ZBTB7C: variants seen among roughly 807,000 people sequenced by gnomAD.
The protein encoded by ZBTB7C is zinc finger and BTB domain containing 7C.
A neutral mutation model predicts 25.7 loss-of-function variants in ZBTB7C; 8 were observed. That is an observed-to-expected ratio of 0.31 (90% CI 0.18 to 0.56). ZBTB7C has a LOEUF of 0.56. Ranked by LOEUF, ZBTB7C falls within the 20% of genes least tolerant of loss-of-function variation. The probability of loss-of-function intolerance (pLI) is 0.91; values close to 1 mark genes in which losing one functional copy is unlikely to be tolerated. For missense variants in ZBTB7C, 824 were observed against 855.2 expected (o/e 0.96, Z 0.46); for synonymous variants, 394 against 369.0 (o/e 1.07, Z -0.78).
intron 3 of ZBTB7C, among the ~76,000 whole-genome samples, chr18:48,178,844 A>G (rs1459207761): frequency 6.6e-6 from 1 of 152,012 alleles, no homozygotes; most frequent in African/African-American, 2.4e-5. Flanking sequence ...ATCCAGGACA[A>G]AGCAGTGGAG....
At chr18:48,074,239 C>T (rs1007516314) in intron 3 of ZBTB7C, among the ~76,000 whole-genome samples, 1 of 152,146 alleles carries the variant, frequency 6.6e-6, no homozygotes. Context: ...GTCTTGAACT[C>T]CTGATCTCAG....
intron 2 of ZBTB7C, among the ~76,000 whole-genome samples, chr18:48,258,113 A>G (rs2044071415): frequency 6.6e-6 from 1 of 152,202 alleles, no homozygotes; most frequent in Non-Finnish European, 1.5e-5. Flanking sequence ...AAACAAACCT[A>G]TAACTAACAT....
At chr18:48,192,578 C>T (rs1257227973) in intron 2 of ZBTB7C, among the ~76,000 whole-genome samples, 2 of 152,236 alleles carry the variant, frequency 1.3e-5, no homozygotes, top group South Asian at 2.1e-4. Context: ...ATTCTCCTGC[C>T]TCAGCCTCCA....
intron 3 of ZBTB7C, among the ~76,000 whole-genome samples, chr18:48,065,400 CTTTG>C (rs1158044435): frequency 4.6e-5 from 7 of 152,112 alleles, no homozygotes; most frequent in East Asian, 1.9e-4. Context: ...ACCTGTTTAA[CTTTG>C]TTTAACTCTG....
At chr18:48,035,319 G>A (rs943919776) in intron 4 of ZBTB7C, among the ~76,000 whole-genome samples, 1 of 152,224 alleles carries the variant, frequency 6.6e-6, no homozygotes, top group Non-Finnish European at 1.5e-5. Flanking sequence ...TGCTGTCTCT[G>A]GGCCAGTCTG....
At chr18:48,290,315 C>T (rs1213483298) in intron 2 of ZBTB7C, among the ~76,000 whole-genome samples, 1 of 152,238 alleles carries the variant, frequency 6.6e-6, no homozygotes, top group African/African-American at 2.4e-5. Context: ...GTCCCACCTC[C>T]TTCTCAGTCC....
rs7232244 is a variant in ZBTB7C, at chr18:48,099,559, A to G, written c.-16-58436T>C. Among the ~76,000 whole-genome samples the G allele has an allele frequency of 1.9e-3, 288 of 152,294 alleles. 1 individual carries two copies. Among genetic ancestry groups the G allele is most frequent in the African/African-American group, 6.6e-3 (275 of 41,554 alleles). ...GCATACCTTTGGAACCTCCAGGCCCACCTGCTCTACCAAAGGCGTGTGAGA... is the reference window on the plus strand; with the variant it reads ...GCATACCTTTGGAACCTCCAGGCCCGCCTGCTCTACCAAAGGCGTGTGAGA... On this transcript the variant is annotated intron_variant, in intron 3 of 4. Coordinates refer to ENST00000590800, the MANE Select transcript of ZBTB7C (RefSeq NM_001318841.2).
At chr18:48,050,681 C>T (rs1418448349) in intron 3 of ZBTB7C, among the ~76,000 whole-genome samples, 2 of 152,180 alleles carry the variant, frequency 1.3e-5, no homozygotes, top group Non-Finnish European at 2.9e-5. Context: ...CAAGCAAGGG[C>T]CCAGAAGAGG....
chr18:48,315,725 C>T (rs77443291), intron 2 of ZBTB7C, among the ~76,000 whole-genome samples: 3,527 of 152,238 alleles, frequency 0.023, 55 homozygotes, highest in Middle Eastern at 0.065. Flanking sequence ...TTGTGCTCCA[C>T]CCCCATCCCC....
intron 3 of ZBTB7C, among the ~76,000 whole-genome samples, chr18:48,136,203 G>A (rs1436861695): frequency 1.3e-5 from 2 of 152,314 alleles, no homozygotes; most frequent in South Asian, 4.1e-4. Context: ...GGTGACGCCG[G>A]CCCGGGCGCC....
chr18:48,166,573 C>T (rs1219723541), intron 3 of ZBTB7C, among the ~76,000 whole-genome samples: 3 of 152,166 alleles, frequency 2.0e-5, no homozygotes, highest in Admixed American at 6.5e-5. Context: ...AGCTCAGAGT[C>T]CCCTGGTCCC....
chr18:48,099,485 C>A (rs2038754881), intron 3 of ZBTB7C, among the ~76,000 whole-genome samples: 1 of 152,206 alleles, frequency 6.6e-6, no homozygotes, highest in Non-Finnish European at 1.5e-5. Flanking sequence ...TCCACTCTCA[C>A]CTTGGCTTTA....
intron 3 of ZBTB7C, among the ~76,000 whole-genome samples, chr18:48,163,510 A>C (rs947533234): frequency 6.6e-6 from 1 of 152,220 alleles, no homozygotes; most frequent in Non-Finnish European, 1.5e-5. Context: ...AGTGGGGCTT[A>C]ACAGTGGGAC....
intron 3 of ZBTB7C, among the ~76,000 whole-genome samples, chr18:48,177,371 C>T (rs576488191): frequency 6.6e-6 from 1 of 152,334 alleles, no homozygotes; most frequent in East Asian, 1.9e-4. Flanking sequence ...TCCTGTGACA[C>T]CTTGCTAGAA....
intron 1 of ZBTB7C, among the ~76,000 whole-genome samples, chr18:48,355,544 A>G (rs755178976): frequency 6.6e-6 from 1 of 152,072 alleles, no homozygotes; most frequent in Non-Finnish European, 1.5e-5. Context: ...TCGCTTCCGC[A>G]CTATCCTGCA....
intron 2 of ZBTB7C, among the ~76,000 whole-genome samples, chr18:48,324,320 C>G (rs2046166296): frequency 6.6e-6 from 1 of 152,122 alleles, no homozygotes; most frequent in Non-Finnish European, 1.5e-5. Context: ...CCCAAGAGAG[C>G]AGTGTGCACA....
At position 48,029,596 on chromosome 18, in the gene ZBTB7C, G is replaced by C. The variant is rs763309662; in HGVS notation, c.1524C>G (p.Pro508=). The change falls in exon 5 of 5, where the codon CCC becomes CCG. Residue 508 remains proline (P), a synonymous_variant. Coordinates refer to ENST00000590800, the MANE Select transcript of ZBTB7C (RefSeq NM_001318841.2). ...PAPDKAAFVM[P]PALGEVGGHL... ...GGCCGCCCACCTCGCCCAGCGCAGG[G>C]GGCATCACGAAGGCCGCCTTGTCGG... 1.6e-4 allele frequency: 237 copies of C among 1,491,312 alleles called. No individual in the cohort carries two copies. Among genetic ancestry groups the C allele is most frequent in the Non-Finnish European group, 2.0e-4 (228 of 1,132,172 alleles). 92.4% of individuals were successfully genotyped at this position (1,491,312 alleles called of 1,614,324 possible).
Position 48,027,017 on chromosome 18 carries a change from C to A in ZBTB7C, c.*2243G>T, listed in dbSNP as rs1430580640. 6.7e-6 allele frequency: 1 copy of A among 150,160 alleles called. No individual in the cohort carries two copies. The highest frequency in any genetic ancestry group is 2.4e-5 in the African/African-American group (1 of 40,820). 9.3% of individuals were successfully genotyped at this position (150,160 alleles called of 1,614,324 possible). A position where few individuals can be genotyped will look rare whatever the true frequency, so the allele number is the denominator to read the frequency against. ...CACTAAGGCAAACTTTGTTGAGTGTCATTTTACGTAGAGCAATCACATAAA... is the reference window on the plus strand; with the variant it reads ...CACTAAGGCAAACTTTGTTGAGTGTAATTTTACGTAGAGCAATCACATAAA... On this transcript the variant is annotated 3_prime_UTR_variant, in exon 5 of 5. Coordinates refer to ENST00000590800, the MANE Select transcript of ZBTB7C (RefSeq NM_001318841.2).
chr18:48,371,506 T>C (rs750780589), intron 1 of ZBTB7C, among the ~76,000 whole-genome samples: 2 of 152,196 alleles, frequency 1.3e-5, no homozygotes, highest in Non-Finnish European at 2.9e-5. Context: ...TCAAGTCTCC[T>C]CCTCCTGGCT....
Sources: gnomAD v4.1 joint callset for allele counts (sites outside exome capture counted in the v4.1 genomes callset) on GRCh38, gnomAD v4.1.1 for gene constraint, MANE v1.5 for transcripts, NCBI Gene and HGNC (gene_info 2026-07-23, HGNC 2026-07-21) for gene names.